Variants in UTY observed in about 807,000 individuals in gnomAD.
UTY encodes histone demethylase UTY.
A neutral mutation model predicts 32.5 loss-of-function variants in UTY; 12 were observed. The observed-to-expected ratio is 0.37, with a 90% CI of 0.24 to 0.60. UTY has a LOEUF of 0.60. Among genes scored for constraint, UTY ranks in the 20% least tolerant of loss-of-function variants. The pLI, the probability that UTY is intolerant of heterozygous loss-of-function variation, is 0.69. For synonymous variants in UTY, 131 were observed against 103.4 expected, an observed-to-expected ratio of 1.27 and a Z score of -1.62; for missense variants, 303 against 299.2, an observed-to-expected ratio of 1.01 and a Z score of -0.09.
intron 17 of UTY, among the ~76,000 whole-genome samples, chrY:13,349,554 C>T: frequency 3.1e-5 from 1 of 32,764 alleles, no homozygotes; most frequent in Non-Finnish European, 7.4e-5. Flanking sequence ...CTGGCTGCTG[C>T]CTCCTTTGTC....
chrY:13,343,174 C>T (rs2149108796), intron 17 of UTY, among the ~76,000 whole-genome samples: 1 of 32,857 alleles, frequency 3.0e-5, no homozygotes, highest in Admixed American at 2.7e-4. Context: ...GGTATTGGCC[C>T]GTGGCATGTT....
At chrY:13,408,790 AAGATAT>A (rs2070442002) in intron 6 of UTY, among the ~76,000 whole-genome samples, 2 of 32,740 alleles carry the variant, frequency 6.1e-5, no homozygotes, top group Non-Finnish European at 1.5e-4. Context: ...AAAATCAAGT[AAGATAT>A]TCACACTAAG....
At chrY:13,260,471 A>G (rs2055192051) in intron 27 of UTY, 67 bp from the exon 28 acceptor site, 2 of 289,859 alleles carry the variant, frequency 6.9e-6, no homozygotes, top group African/African-American at 1.5e-4. Context: ...TATACCAATT[A>G]GAAATAACTT....
chrY:13,438,245 G>A, intron 4 of UTY, among the ~76,000 whole-genome samples: 7 of 33,038 alleles, frequency 2.1e-4, no homozygotes, highest in African/African-American at 8.3e-4. Flanking sequence ...CTTAACATAG[G>A]CTCCCAGATC....
intron 3 of UTY, among the ~76,000 whole-genome samples, chrY:13,468,620 C>A: frequency 3.1e-5 from 1 of 32,034 alleles, no homozygotes; most frequent in Non-Finnish European, 7.6e-5. Flanking sequence ...GCGGAGCTTG[C>A]AGTGAGCCGA....
chrY:13,359,747 A>G lies in UTY; in HGVS notation c.1185+20T>C. On this transcript the variant is annotated intron_variant, in intron 12 of 29. Transcript: ENST00000545955. The stretch of plus-strand genomic sequence containing the variant: ...TAGGAATATACGTGTCATTTAAAAT[A>G]TACTATTTAAAATTTTTACCTGTAG... The G allele has an allele frequency of 2.7e-6, 1 of 366,765 alleles. No individual in the cohort carries two copies. The allele number at this position is 366,765 out of a possible 400,897, so 91.5% of individuals were successfully genotyped here.
At chrY:13,262,590 G>A in intron 27 of UTY, among the ~76,000 whole-genome samples, 1 of 20,942 alleles carries the variant, frequency 4.8e-5, no homozygotes, top group Non-Finnish European at 1.1e-4. Context: ...TTGAGATGGA[G>A]TTTCGCTCTT....
intron 18 of UTY, among the ~76,000 whole-genome samples, chrY:13,332,208 C>T: frequency 3.0e-5 from 1 of 33,853 alleles, no homozygotes; most frequent in Non-Finnish European, 7.3e-5. Context: ...GAAACTATTT[C>T]ACACAATAAA....
intron 21 of UTY, among the ~76,000 whole-genome samples, chrY:13,308,704 G>A (rs1050418787): frequency 3.0e-5 from 1 of 33,295 alleles, no homozygotes; most frequent in Non-Finnish European, 7.4e-5. Flanking sequence ...GAGGGTATAT[G>A]TTCCCACACA....
At chrY:13,322,905 A>C in intron 21 of UTY, 1 of 40,096 alleles carries the variant, frequency 2.5e-5, no homozygotes, top group Non-Finnish European at 5.2e-5. Flanking sequence ...ATAAAGTAAA[A>C]TATGAACATC....
At chrY:13,304,260 T>C in intron 24 of UTY, 1 of 92,871 alleles carries the variant, frequency 1.1e-5, no homozygotes, top group South Asian at 5.5e-5. Context: ...AAGCTGCTTT[T>C]ATATGCTACT....
At chrY:13,236,481 G>A in intron 28 of UTY, among the ~76,000 whole-genome samples, 1 of 29,206 alleles carries the variant, frequency 3.4e-5, no homozygotes, top group Non-Finnish European at 8.1e-5. Flanking sequence ...TAGATAATTC[G>A]GCCAAGTATT....
chrY:13,415,681 C>G (rs2071580560), intron 4 of UTY, among the ~76,000 whole-genome samples: 3 of 33,947 alleles, frequency 8.8e-5, no homozygotes, highest in Non-Finnish European at 2.2e-4. Context: ...AGAGGCTACA[C>G]CATACAGCAA....
chrY:13,235,287 G>T (rs2053841073), intron 28 of UTY, among the ~76,000 whole-genome samples: 1 of 33,373 alleles, frequency 3.0e-5, no homozygotes, highest in Admixed American at 2.7e-4. Context: ...AGAGTGCAGA[G>T]ATGTCTGGCT....
intron 21 of UTY, among the ~76,000 whole-genome samples, chrY:13,313,130 T>G (rs2059292603): frequency 6.0e-5 from 2 of 33,274 alleles, no homozygotes; most frequent in Non-Finnish European, 1.5e-4. Context: ...CTATTCACAA[T>G]AGCAAATGTG....
At chrY:13,242,108 TAAAA>T (rs2053909017) in intron 28 of UTY, among the ~76,000 whole-genome samples, 2 of 32,273 alleles carry the variant, frequency 6.2e-5, no homozygotes, top group Non-Finnish European at 1.5e-4. Flanking sequence ...CAAGAATAAA[TAAAA>T]AAACGCTGAA....
chrY:13,242,296 A>T, intron 28 of UTY, among the ~76,000 whole-genome samples: 1 of 32,968 alleles, frequency 3.0e-5, no homozygotes, highest in African/African-American at 1.2e-4. Flanking sequence ...ATTCTATAAG[A>T]CCAGCTTTAT....
intron 8 of UTY, among the ~76,000 whole-genome samples, chrY:13,386,456 A>G (rs2066790006): frequency 3.1e-5 from 1 of 32,704 alleles, no homozygotes; most frequent in African/African-American, 1.2e-4. Flanking sequence ...CTTTATGTTC[A>G]GTTATACTTA....
intron 8 of UTY, among the ~76,000 whole-genome samples, chrY:13,374,736 C>T: frequency 1.5e-4 from 5 of 33,448 alleles, no homozygotes; most frequent in Admixed American, 5.4e-4. Flanking sequence ...AACAAAGATC[C>T]GGGCAGTAGG....
Sources: gnomAD v4.1 joint callset for allele counts (sites outside exome capture counted in the v4.1 genomes callset) on GRCh38, gnomAD v4.1.1 for gene constraint, MANE v1.5 for transcripts, NCBI Gene and HGNC (gene_info 2026-07-23, HGNC 2026-07-21) for gene names.